Variants in SCLT1 observed in about 807,000 individuals in gnomAD.
SCLT1 encodes sodium channel-associated protein 1.
SCLT1 carries 78 observed loss-of-function variants against 112.8 expected under a neutral mutation model. The ratio of observed to expected loss-of-function variants is 0.69; its 90% CI spans 0.58 to 0.83. SCLT1 has a LOEUF of 0.83. Among genes scored for constraint, SCLT1 ranks in the 40% least tolerant of loss-of-function variants. The pLI, the probability that SCLT1 is intolerant of heterozygous loss-of-function variation, is 0.00. For missense variants in SCLT1, 747 were observed against 770.4 expected, an observed-to-expected ratio of 0.97 and a Z score of 0.36; for synonymous variants, 257 against 254.7, an observed-to-expected ratio of 1.01 and a Z score of -0.09.
At chr4:128,889,641 C>G (rs2125922693) in intron 19 of SCLT1, among the ~76,000 whole-genome samples, 1 of 152,296 alleles carries the variant, frequency 6.6e-6, no homozygotes, top group Admixed American at 6.5e-5. Flanking sequence ...GCTGTCACAA[C>G]ATACTGTCAG....
chr4:129,025,634 G>T lies in SCLT1; in HGVS notation c.290+13407C>A, dbSNP rs528725738. Among the ~76,000 whole-genome samples the T allele has an allele frequency of 5.1e-3, 776 of 152,260 alleles. 13 individuals are homozygous for T. Among genetic ancestry groups the T allele is most frequent in the African/African-American group, 0.018 (732 of 41,554 alleles). ...AGACCATCGAGGCTAGGAAGAAACT[G>T]CATAAACTAACGAGCAAAATAACCA... On this transcript the variant is annotated intron_variant, in intron 5 of 20. Transcript: ENST00000281142.
chr4:128,910,894 G>A (rs1347012359), intron 18 of SCLT1, among the ~76,000 whole-genome samples: 1 of 151,250 alleles, frequency 6.6e-6, no homozygotes. Flanking sequence ...TGCCAATACT[G>A]TTTTATGTAT....
intron 5 of SCLT1, among the ~76,000 whole-genome samples, chr4:129,025,177 C>G (rs545530211): frequency 5.9e-5 from 9 of 152,238 alleles, no homozygotes; most frequent in Admixed American, 5.2e-4. Flanking sequence ...GGCCAACATT[C>G]ACATTCAGGA....
chr4:128,937,857 T>C (rs565108861), intron 17 of SCLT1, among the ~76,000 whole-genome samples: 8 of 152,204 alleles, frequency 5.3e-5, no homozygotes, highest in Non-Finnish European at 8.8e-5. Flanking sequence ...AGGGAGAGAA[T>C]TAAGCCCTAA....
At chr4:128,884,871 T>C (rs1732771841) in intron 20 of SCLT1, among the ~76,000 whole-genome samples, 1 of 152,168 alleles carries the variant, frequency 6.6e-6, no homozygotes, top group South Asian at 2.1e-4. Flanking sequence ...AGCCTTGAAC[T>C]CTTGGGCTCA....
intron 1 of SCLT1, among the ~76,000 whole-genome samples, chr4:129,086,909 C>T (rs974421243): frequency 2.6e-5 from 4 of 152,152 alleles, no homozygotes; most frequent in Non-Finnish European, 4.4e-5. Flanking sequence ...GAAGAAATAA[C>T]ATGGACCACT....
rs918052189 is a variant in SCLT1 at position 128,906,236 on chromosome 4, C to T, written c.1830-15099G>A. Among the ~76,000 whole-genome samples the T allele has an allele frequency of 2.4e-4, 36 of 152,078 alleles. 1 individual carries two copies. The highest frequency in any genetic ancestry group is 2.2e-3 in the Admixed American group (34 of 15,252). ...TTTTTGAAACAGAGTCTCGCTCTGT[C>T]GCCCAGGCTGGAGTGCAGTGGCGCG... is the stretch of plus-strand genomic sequence containing the variant. On this transcript the variant is annotated intron_variant, in intron 18 of 20. Transcript: ENST00000281142.
intron 4 of SCLT1, 94 bp downstream of exon 4, chr4:129,043,301 T>C: frequency 1.4e-6 from 1 of 705,626 alleles, no homozygotes. Context: ...AATATTCTCT[T>C]TCTCATCAAT....
intron 13 of SCLT1, 73 bp from the exon 14 acceptor site, chr4:128,952,913 GATA>G (rs1738885892): frequency 2.6e-6 from 2 of 781,762 alleles, no homozygotes; most frequent in South Asian, 1.5e-5. Context: ...AAACACTCAG[GATA>G]ATAATTTTGA....
rs140028050 is a variant in SCLT1 at position 128,894,214 on chromosome 4, T to C, written c.1830-3077A>G. Among the ~76,000 whole-genome samples the C allele has an allele frequency of 3.9e-4, 59 of 152,224 alleles. 1 individual carries two copies. Among genetic ancestry groups the C allele is most frequent in the African/African-American group, 1.3e-3 (54 of 41,540 alleles). ...ACCTTGGCCTCCTGAAGTGTTGGGA[T>C]TACAGGTGTGAGCCACTGCATCTGG... On this transcript the variant is annotated intron_variant, in intron 18 of 20. Transcript: ENST00000281142.
chr4:128,987,431 T>G (rs1364446038), intron 9 of SCLT1, among the ~76,000 whole-genome samples: 1 of 152,222 alleles, frequency 6.6e-6, no homozygotes, highest in Non-Finnish European at 1.5e-5. Flanking sequence ...ATTGCTGTTT[T>G]GGGGAAGCTC....
chr4:129,025,673 T>G (rs532595440), intron 5 of SCLT1, among the ~76,000 whole-genome samples: 14 of 152,138 alleles, frequency 9.2e-5, no homozygotes, highest in Non-Finnish European at 1.6e-4. Flanking sequence ...AACATCATAA[T>G]GACAGGATCA....
At chr4:129,079,470 T>G (rs890125432) in intron 2 of SCLT1, among the ~76,000 whole-genome samples, 2 of 152,256 alleles carry the variant, frequency 1.3e-5, no homozygotes, top group South Asian at 2.1e-4. Flanking sequence ...GGGCAGTCAT[T>G]AAACCTTAGG....
chr4:129,048,223 A>C (rs1275546539), intron 2 of SCLT1, among the ~76,000 whole-genome samples: 1 of 152,238 alleles, frequency 6.6e-6, no homozygotes, highest in Non-Finnish European at 1.5e-5. Flanking sequence ...ACCTGACTTA[A>C]AACTATACTA....
chr4:129,023,952 G>A (rs1260198173), intron 5 of SCLT1, among the ~76,000 whole-genome samples: 3 of 152,212 alleles, frequency 2.0e-5, no homozygotes, highest in Admixed American at 1.3e-4. Context: ...CAGCAGTATT[G>A]AGATCAAACT....
intron 2 of SCLT1, among the ~76,000 whole-genome samples, chr4:129,065,995 T>C (rs1416360504): frequency 6.6e-6 from 1 of 151,912 alleles, no homozygotes; most frequent in Non-Finnish European, 1.5e-5. Context: ...TAATAAATGC[T>C]GGAAGCAATG....
At chr4:129,092,575 G>C (rs72685353) in intron 1 of SCLT1, among the ~76,000 whole-genome samples, 41,878 of 152,092 alleles carry the variant, frequency 0.28, 6,072 homozygotes, top group South Asian at 0.35. Context: ...TGTGGCAAAA[G>C]AGCCAGCAGT....
At chr4:129,024,751 G>A (rs1170483751) in intron 5 of SCLT1, among the ~76,000 whole-genome samples, 6 of 152,082 alleles carry the variant, frequency 3.9e-5, no homozygotes, top group South Asian at 2.1e-4. Context: ...AAACTACTCC[G>A]AGCTACAGGA....
chr4:128,904,267 G>A (rs778681667), intron 18 of SCLT1, among the ~76,000 whole-genome samples: 1 of 152,160 alleles, frequency 6.6e-6, no homozygotes, highest in South Asian at 2.1e-4. Flanking sequence ...ACTGGGAAGT[G>A]CTTAGTTCAT....
Sources: gnomAD v4.1 joint callset for allele counts (sites outside exome capture counted in the v4.1 genomes callset) on GRCh38, gnomAD v4.1.1 for gene constraint, MANE v1.5 for transcripts, NCBI Gene and HGNC (gene_info 2026-07-23, HGNC 2026-07-21) for gene names.